METTL21A: variants seen among roughly 807,000 people sequenced by gnomAD.
METTL21A encodes methyltransferase 21A, HSPA lysine.
METTL21A carries 22 observed loss-of-function variants against 20.9 expected under a neutral mutation model. The ratio of observed to expected loss-of-function variants is 1.05; its 90% CI spans 0.75 to 1.50. METTL21A has a LOEUF of 1.50. Among genes scored for constraint, METTL21A ranks in the 40% most tolerant of loss-of-function variants. The pLI is 0.00. For synonymous variants in METTL21A, 93 were observed against 102.0 expected (o/e 0.91, Z 0.53); for missense variants, 271 against 266.8 (o/e 1.02, Z -0.11).
At chr2:207,622,417 C>T (rs1397684090) in intron 2 of METTL21A, among the ~76,000 whole-genome samples, 1 of 152,100 alleles carries the variant, frequency 6.6e-6, no homozygotes, top group East Asian at 1.9e-4. Context: ...GCGTCAGCTT[C>T]CCAAAGTGCT....
intron 3 of METTL21A, among the ~76,000 whole-genome samples, chr2:207,585,472 A>G (rs935236886): frequency 6.6e-6 from 1 of 152,240 alleles, no homozygotes; most frequent in African/African-American, 2.4e-5. Context: ...AAAATTGGAT[A>G]AAGCAGCAGT....
intron 3 of METTL21A, chr2:207,603,506 T>G (rs1308780810): frequency 2.7e-5 from 6 of 224,962 alleles, no homozygotes; most frequent in Non-Finnish European, 5.3e-5. Context: ...AAGCCATGTT[T>G]TATTGGACTT....
chr2:207,604,505 G>A (rs2087728134), downstream of METTL21A, among the ~76,000 whole-genome samples: 1 of 152,022 alleles, frequency 6.6e-6, no homozygotes, highest in Admixed American at 6.6e-5. Context: ...CTTAAGTGCA[G>A]TGACCAAACC....
intron 3 of METTL21A, among the ~76,000 whole-genome samples, chr2:207,583,232 T>A (rs1252487689): frequency 6.6e-6 from 1 of 152,138 alleles, no homozygotes; most frequent in Non-Finnish European, 1.5e-5. Context: ...ATTTTGATAC[T>A]CATGAGAGTT....
At chr2:207,588,785 T>G (rs554270611) in intron 3 of METTL21A, among the ~76,000 whole-genome samples, 109 of 151,394 alleles carry the variant, frequency 7.2e-4, no homozygotes, top group African/African-American at 2.0e-3. Context: ...AAATGGTATA[T>G]TCAATTGTTC....
At chr2:207,586,737 C>T (rs1388299338) in intron 3 of METTL21A, among the ~76,000 whole-genome samples, 1 of 152,088 alleles carries the variant, frequency 6.6e-6, no homozygotes, top group African/African-American at 2.4e-5. Context: ...AAAAAGTGGA[C>T]AAAAGGTCTG....
chr2:207,594,102 G>T (rs2085637588), intron 3 of METTL21A, among the ~76,000 whole-genome samples: 2 of 152,216 alleles, frequency 1.3e-5, no homozygotes, highest in African/African-American at 4.8e-5. Context: ...TAATAAGATT[G>T]TGGCCCTTGA....
chr2:207,582,246 G>A, intron 3 of METTL21A: 1 of 696,214 alleles, frequency 1.4e-6, no homozygotes, highest in Non-Finnish European at 2.6e-6. Context: ...AGTACTTGGA[G>A]GCTATGCAGA....
In METTL21A at chr2:207,621,635, G is replaced by A. The variant is rs550131034; in HGVS notation, c.259+171C>T. On this transcript the variant is annotated intron_variant, in intron 3 of 3. Transcript: ENST00000406927. The stretch of plus-strand genomic sequence containing the variant: ...AAATTAGAGAGAGAGAAATTAGCCC[G>A]TTAGCCTCACTGGAGTTAAGAACCC... Among the ~76,000 whole-genome samples, 7 of 152,226 alleles carry A rather than the reference G, an allele frequency of 4.6e-5. No individual in the cohort carries two copies. In the East Asian group the frequency reaches 1.2e-3, roughly 25 times the overall value.
At position 207,597,886 on chromosome 2, in the gene METTL21A, G is replaced by A. The variant is rs182205610; in HGVS notation, c.260-15726C>T. Reference sequence around the variant, plus strand: ...AGTACTAAATTCTTAGTAAAATGCTGATCAGTAAACCAATCCCTTGAGTTA... The same window carrying A: ...AGTACTAAATTCTTAGTAAAATGCTAATCAGTAAACCAATCCCTTGAGTTA... On this transcript the variant is annotated intron_variant, in intron 3 of 3. Coordinates refer to the METTL21A transcript ENST00000425132. 34 of 188,848 alleles carry A rather than the reference G, an allele frequency of 1.8e-4. No homozygotes were observed. The East Asian group carries it at 2.6e-3, about 14-fold the overall frequency. The allele number at this position is 188,848 out of a possible 1,614,324, so 11.7% of individuals were successfully genotyped here.
At chr2:207,587,189 C>T (rs1225848513) in intron 3 of METTL21A, among the ~76,000 whole-genome samples, 1 of 152,048 alleles carries the variant, frequency 6.6e-6, no homozygotes, top group East Asian at 1.9e-4. Context: ...GTCAGGAGAT[C>T]GAGACCATCC....
At chr2:207,623,784 C>G (rs1364852006) in intron 2 of METTL21A, among the ~76,000 whole-genome samples, 1 of 152,162 alleles carries the variant, frequency 6.6e-6, no homozygotes, top group African/African-American at 2.4e-5. Context: ...ACCCAGGAAG[C>G]GGAGGCTGCA....
intron 3 of METTL21A, 139 bp downstream of exon 3, chr2:207,621,667 T>C (rs767662623): frequency 2.2e-5 from 15 of 686,010 alleles, no homozygotes; most frequent in South Asian, 3.6e-5. Flanking sequence ...ACCCCAGCAG[T>C]TGGCCCACAA....
At chr2:207,585,859 A>G (rs1189644254) in intron 3 of METTL21A, among the ~76,000 whole-genome samples, 2 of 152,180 alleles carry the variant, frequency 1.3e-5, no homozygotes, top group Admixed American at 1.3e-4. Flanking sequence ...AGGATGAAGA[A>G]AGCCTACATA....
chr2:207,581,930 C>T (rs779953761), exon 4 of METTL21A: 40 of 702,722 alleles, frequency 5.7e-5, no homozygotes, highest in Non-Finnish European at 1.0e-4. Context: ...CCTCAGTTTG[C>T]ATTTGTCCAG....
At chr2:207,600,238 C>CATATATATATATATATGTGTACAT (rs2086809591) in intron 3 of METTL21A, 1 of 145,178 alleles carries the variant, frequency 6.9e-6, no homozygotes, top group Non-Finnish European at 1.5e-5. Context: ...TATATGTGTA[C>CATATATATATATATATGTGTACAT]ATATATATAT....
chr2:207,606,329 AAAATTAGCC>A (rs1403288728), downstream of METTL21A, among the ~76,000 whole-genome samples: 1 of 152,138 alleles, frequency 6.6e-6, no homozygotes, highest in Non-Finnish European at 1.5e-5. Flanking sequence ...AAAAAATACA[AAAATTAGCC>A]AGGCATGGTG....
intron 3 of METTL21A, 124 bp downstream of exon 3, chr2:207,621,680 CAT>C: frequency 1.3e-6 from 1 of 795,300 alleles, no homozygotes; most frequent in Non-Finnish European, 2.1e-6. Context: ...GCCCACAACT[CAT>C]AAGTATAAGC....
chr2:207,606,279 G>A (rs866904642), downstream of METTL21A, among the ~76,000 whole-genome samples: 31 of 152,240 alleles, frequency 2.0e-4, no homozygotes, highest in African/African-American at 7.2e-4. Flanking sequence ...TCAGGAGTTC[G>A]AGACCAGCCT....
Sources: gnomAD v4.1 joint callset for allele counts (sites outside exome capture counted in the v4.1 genomes callset) on GRCh38, gnomAD v4.1.1 for gene constraint, MANE v1.5 for transcripts, NCBI Gene and HGNC (gene_info 2026-07-23, HGNC 2026-07-21) for gene names.